Variants in ADAM12 observed in about 807,000 individuals in gnomAD.
The protein encoded by ADAM12 is disintegrin and metalloproteinase domain-containing protein 12.
Under a neutral mutation model 106.4 loss-of-function variants are expected in ADAM12, and 70 were observed. The observed-to-expected ratio is 0.66, with a 90% CI of 0.54 to 0.80. ADAM12 has a LOEUF of 0.80. ADAM12 is among the 30% of genes least tolerant of loss of function. ADAM12 has a pLI of 0.00. For missense variants in ADAM12, 1,010 were observed against 1,171.9 expected (o/e 0.86, Z 2.02); for synonymous variants, 420 against 433.5 (o/e 0.97, Z 0.39).
chr10:126,345,378 T>C (rs761393301), intron 1 of ADAM12, among the ~76,000 whole-genome samples: 13 of 152,154 alleles, frequency 8.5e-5, no homozygotes, highest in Non-Finnish European at 1.9e-4. Flanking sequence ...TGAAGCCCAC[T>C]TGATCATGGT....
At chr10:126,194,803 C>T (rs1957567067) in intron 3 of ADAM12, among the ~76,000 whole-genome samples, 1 of 152,106 alleles carries the variant, frequency 6.6e-6, no homozygotes, top group Non-Finnish European at 1.5e-5. Flanking sequence ...GTAATCGTAC[C>T]CTTGTATAAT....
intron 5 of ADAM12, among the ~76,000 whole-genome samples, chr10:126,130,516 G>A (rs1034449921): frequency 2.6e-5 from 4 of 152,132 alleles, no homozygotes; most frequent in African/African-American, 9.7e-5. Flanking sequence ...TGAAATCCCA[G>A]CTGCAAGGAT....
intron 2 of ADAM12, among the ~76,000 whole-genome samples, chr10:126,309,764 T>A (rs1961001230): frequency 1.3e-5 from 2 of 152,164 alleles, no homozygotes; most frequent in Non-Finnish European, 1.5e-5. Context: ...AATAGTTAAA[T>A]AATCAGATTG....
intron 2 of ADAM12, among the ~76,000 whole-genome samples, chr10:126,315,745 A>C (rs961450933): frequency 5.3e-5 from 8 of 152,002 alleles, no homozygotes; most frequent in Admixed American, 4.6e-4. Context: ...TTTTACTTAA[A>C]ACTGCAAGGC....
rs190514560 is a variant in ADAM12 at position 126,336,600 on chromosome 10, G to A, written c.89-6091C>T. 9.9e-5 allele frequency among the ~76,000 whole-genome samples: 15 copies of A among 152,258 alleles called. No individual in the cohort carries two copies. The East Asian group carries it at 2.3e-3, about 24-fold the overall frequency. The stretch of plus-strand genomic sequence containing the variant: ...TCTCCAGCATACTCTAGAAAACACA[G>A]AAACGGCAAGTTGAAATAAAAACTT... On this transcript the variant is annotated intron_variant, in intron 1 of 22. Coordinates refer to ENST00000448723, the MANE Select transcript of ADAM12 (RefSeq NM_001288973.2).
chr10:126,305,565 G>T lies in ADAM12; in HGVS notation c.186+24847C>A, dbSNP rs1418896592. Among the ~76,000 whole-genome samples the T allele has an allele frequency of 2.0e-5, 3 of 152,124 alleles. No homozygotes were observed. The East Asian group carries it at 5.8e-4, about 29-fold the overall frequency. Reference sequence around the variant, plus strand: ...ATTTAATGTCTTGATTTGGGTGACGGTTACGTGGGTGTATATACTTGTCAA... The same window carrying T: ...ATTTAATGTCTTGATTTGGGTGACGTTTACGTGGGTGTATATACTTGTCAA... On this transcript the variant is annotated intron_variant, in intron 2 of 22. Transcript: ENST00000448723.
intron 5 of ADAM12, among the ~76,000 whole-genome samples, chr10:126,131,879 A>G (rs575958728): frequency 2.6e-5 from 4 of 152,322 alleles, no homozygotes; most frequent in Admixed American, 2.0e-4. Flanking sequence ...GACCGTGATA[A>G]TATTAGCTAG....
intron 6 of ADAM12, among the ~76,000 whole-genome samples, chr10:126,113,376 G>A (rs367684220): frequency 1.3e-4 from 20 of 151,872 alleles, no homozygotes; most frequent in African/African-American, 4.6e-4. Context: ...TAAAAATATT[G>A]CAACTGGGCG....
At chr10:126,358,525 C>G (rs1855628242) in intron 1 of ADAM12, among the ~76,000 whole-genome samples, 1 of 152,184 alleles carries the variant, frequency 6.6e-6, no homozygotes, top group Admixed American at 6.5e-5. Context: ...AATAAGCCCA[C>G]AGCTAACATC....
At chr10:126,045,773 T>C (rs1055913370) in intron 17 of ADAM12, among the ~76,000 whole-genome samples, 1 of 152,222 alleles carries the variant, frequency 6.6e-6, no homozygotes, top group Non-Finnish European at 1.5e-5. Context: ...AAACTCTTCA[T>C]GAAGGAAGGT....
chr10:126,137,713 G>C (rs115420326), intron 4 of ADAM12, among the ~76,000 whole-genome samples: 450 of 152,328 alleles, frequency 3.0e-3, no homozygotes, highest in African/African-American at 9.4e-3. Flanking sequence ...GCATGCATTA[G>C]AATGTCATTC....
chr10:126,191,235 C>T (rs1272278162), intron 3 of ADAM12, among the ~76,000 whole-genome samples: 1 of 152,006 alleles, frequency 6.6e-6, no homozygotes, highest in Non-Finnish European at 1.5e-5. Context: ...CTCCTGCCCT[C>T]AAGTGATCTG....
At position 126,142,115 on chromosome 10, in the gene ADAM12, T is replaced by G. The variant is rs570648692; in HGVS notation, c.340-6455A>C. Among the ~76,000 whole-genome samples, 337 of 152,146 alleles carry G rather than the reference T, an allele frequency of 2.2e-3. 3 individuals carry two copies. The highest frequency in any genetic ancestry group is 4.0e-3 in the Non-Finnish European group (274 of 68,022). ...TGGCTGTCAGAAACATGCATTTCTC[T>G]CAGAAACATGAGTTTCTCTCTCTTT... On this transcript the variant is annotated intron_variant, in intron 4 of 22. Transcript: ENST00000448723.
intron 1 of ADAM12, among the ~76,000 whole-genome samples, chr10:126,363,142 T>C (rs1855796014): frequency 6.6e-6 from 1 of 152,216 alleles, no homozygotes; most frequent in Non-Finnish European, 1.5e-5. Context: ...AAGTATTACA[T>C]GTTCTTTATA....
chr10:126,285,828 C>G lies in ADAM12; in HGVS notation c.187-6840G>C, dbSNP rs554966439. ...AAAGACGGGTGCGGCCAGGACCCAG[C>G]TGCCCACCTCTAGGGCCCCCAGGTG... On this transcript the variant is annotated intron_variant, in intron 2 of 22. Transcript: ENST00000448723. 4.6e-4 allele frequency among the ~76,000 whole-genome samples: 70 copies of G among 152,290 alleles called. 1 individual carries two copies. The highest frequency in any genetic ancestry group is 1.6e-3 in the African/African-American group (67 of 41,546).
chr10:126,031,825 A>ATAG (rs1953976025), intron 21 of ADAM12, among the ~76,000 whole-genome samples: 1 of 152,212 alleles, frequency 6.6e-6, no homozygotes, highest in Non-Finnish European at 1.5e-5. Flanking sequence ...CAGAAAATGC[A>ATAG]TAGAGCCTTC....
chr10:126,108,386 G>A (rs1324999662), intron 8 of ADAM12, among the ~76,000 whole-genome samples: 1 of 152,086 alleles, frequency 6.6e-6, no homozygotes, highest in Non-Finnish European at 1.5e-5. Context: ...ATGTCACCAA[G>A]GCCACCATAG....
At chr10:126,367,612 T>G (rs1263196895) in intron 1 of ADAM12, among the ~76,000 whole-genome samples, 1 of 151,810 alleles carries the variant, frequency 6.6e-6, no homozygotes, top group Non-Finnish European at 1.5e-5. Context: ...AAGTTGGTTG[T>G]TTGCAAATAT....
intron 4 of ADAM12, among the ~76,000 whole-genome samples, chr10:126,139,219 C>G (rs1051430050): frequency 1.3e-5 from 2 of 151,932 alleles, no homozygotes; most frequent in East Asian, 3.9e-4. Context: ...TGGCAGGCCT[C>G]TTCTTTTAAT....
Sources: gnomAD v4.1 joint callset for allele counts (sites outside exome capture counted in the v4.1 genomes callset) on GRCh38, gnomAD v4.1.1 for gene constraint, MANE v1.5 for transcripts, NCBI Gene and HGNC (gene_info 2026-07-23, HGNC 2026-07-21) for gene names.